The following BICC1 variants were observed in gnomAD, a reference collection of about 807,000 sequenced individuals.
BICC1 encodes the protein BicC family RNA binding protein 1, also known as protein bicaudal C homolog 1.
In BICC1, 43 loss-of-function variants were observed where a neutral mutation model predicts 111.0. That is an observed-to-expected ratio of 0.39 (90% CI 0.30 to 0.50). BICC1 has a LOEUF of 0.50. BICC1 is among the 20% of genes least tolerant of loss of function. The pLI is 0.88. For missense variants in BICC1, 1,091 were observed against 1,203.2 expected (o/e 0.91, Z 1.38); for synonymous variants, 467 against 434.4 (o/e 1.07, Z -0.93).
chr10:58,772,676 G>A (rs541294598), intron 3 of BICC1, among the ~76,000 whole-genome samples: 1 of 152,228 alleles, frequency 6.6e-6, no homozygotes, highest in East Asian at 1.9e-4. Context: ...CAATGCACGT[G>A]TACATAGTCT....
chr10:58,706,991 T>G lies in BICC1; in HGVS notation c.307+4848T>G, dbSNP rs191981597. On this transcript the variant is annotated intron_variant, in intron 3 of 20. Coordinates refer to ENST00000373886, the MANE Select transcript of BICC1 (RefSeq NM_001080512.3). ...CAGAGTTAAACCAAGTGATAGGAAC[T>G]AATCCCTGCAAGTGGTCCTTGCATG... Among the ~76,000 whole-genome samples the G allele has an allele frequency of 1.4e-3, 207 of 152,336 alleles. 1 individual carries two copies. Among genetic ancestry groups the G allele is most frequent in the Non-Finnish European group, 2.2e-3 (148 of 68,022 alleles).
At chr10:58,827,127 T>C (rs1844423178) in intron 20 of BICC1, among the ~76,000 whole-genome samples, 1 of 152,194 alleles carries the variant, frequency 6.6e-6, no homozygotes, top group Non-Finnish European at 1.5e-5. Flanking sequence ...TTAACTTGTC[T>C]CCAAACACAA....
rs542315230 is a variant in BICC1, at chr10:58,545,755, C to T, written c.190+32422C>T. ...TGGAAGAGTGGAAGGGTGCAGTATT[C>T]CTTGGGCCCTGTCCCTTTACGTTTC... On this transcript the variant is annotated intron_variant, in intron 1 of 20. Transcript: ENST00000373886. Among the ~76,000 whole-genome samples the T allele has an allele frequency of 2.6e-5, 4 of 152,232 alleles. No individual in the cohort carries two copies. The East Asian group carries it at 7.7e-4, about 29-fold the overall frequency.
intron 8 of BICC1, among the ~76,000 whole-genome samples, chr10:58,791,091 A>G (rs1843161596): frequency 6.6e-6 from 1 of 152,198 alleles, no homozygotes; most frequent in Admixed American, 6.5e-5. Context: ...GGAATCAGTA[A>G]GATTGTAATC....
chr10:58,715,436 C>T, intron 3 of BICC1: 1 of 643,088 alleles, frequency 1.6e-6, no homozygotes, highest in Non-Finnish European at 2.8e-6. Flanking sequence ...GATTTTTCTT[C>T]TTAAAAAATA....
intron 1 of BICC1, among the ~76,000 whole-genome samples, chr10:58,527,788 A>G (rs1842583598): frequency 6.6e-6 from 1 of 151,942 alleles, no homozygotes; most frequent in Non-Finnish European, 1.5e-5. Flanking sequence ...ACACATCTAC[A>G]TTGCTTCTTG....
intron 20 of BICC1, among the ~76,000 whole-genome samples, chr10:58,828,505 CAGG>C (rs796081231): frequency 3.3e-5 from 5 of 152,302 alleles, no homozygotes; most frequent in African/African-American, 1.2e-4. Flanking sequence ...TGTTTGCTGT[CAGG>C]AGTTTATGAG....
chr10:58,732,211 G>T (rs1314111576), intron 3 of BICC1, among the ~76,000 whole-genome samples: 6 of 149,892 alleles, frequency 4.0e-5, no homozygotes, highest in Non-Finnish European at 8.9e-5. Context: ...CCTAATTTTA[G>T]TATTGTTCTT....
intron 15 of BICC1, among the ~76,000 whole-genome samples, chr10:58,803,611 A>G (rs72804428): frequency 0.044 from 6,656 of 152,220 alleles, 373 homozygotes; most frequent in African/African-American, 0.14. Context: ...ACTATTTTCT[A>G]TGTAATGAAG....
chr10:58,645,524 A>G (rs557604139), intron 2 of BICC1, among the ~76,000 whole-genome samples: 2 of 152,074 alleles, frequency 1.3e-5, no homozygotes, highest in East Asian at 1.9e-4. Flanking sequence ...AATTGCCAGT[A>G]GTTGCTAGGC....
intron 1 of BICC1, among the ~76,000 whole-genome samples, chr10:58,610,471 C>T (rs1176127911): frequency 6.6e-6 from 1 of 152,170 alleles, no homozygotes; most frequent in Non-Finnish European, 1.5e-5. Context: ...CCCTAACCTC[C>T]ATCATAATCT....
intron 2 of BICC1, among the ~76,000 whole-genome samples, chr10:58,687,613 C>T (rs978521741): frequency 6.6e-6 from 1 of 152,216 alleles, no homozygotes; most frequent in Non-Finnish European, 1.5e-5. Flanking sequence ...GCAGTTCGAG[C>T]TCAGACTGCT....
chr10:58,766,634 G>C (rs1459976407), intron 3 of BICC1, among the ~76,000 whole-genome samples: 1 of 152,110 alleles, frequency 6.6e-6, no homozygotes, highest in Admixed American at 6.5e-5. Context: ...GAGTACCTTT[G>C]TGGGAGTCTG....
At chr10:58,611,097 A>G (rs1010196508) in intron 1 of BICC1, among the ~76,000 whole-genome samples, 20 of 152,204 alleles carry the variant, frequency 1.3e-4, no homozygotes, top group Admixed American at 2.0e-4. Context: ...ACTTTTGCCA[A>G]TGATTGCCTT....
At chr10:58,747,142 A>T (rs1049788841) in intron 3 of BICC1, among the ~76,000 whole-genome samples, 1 of 152,190 alleles carries the variant, frequency 6.6e-6, no homozygotes, top group African/African-American at 2.4e-5. Context: ...AAAGAGAAAT[A>T]TAAAGTGATA....
At chr10:58,680,432 A>G (rs1387416208) in intron 2 of BICC1, among the ~76,000 whole-genome samples, 1 of 152,192 alleles carries the variant, frequency 6.6e-6, no homozygotes, top group African/African-American at 2.4e-5. Context: ...CAGTTGCTAC[A>G]AAAAGAATAA....
chr10:58,809,531 C>T (rs1023638069), intron 17 of BICC1, among the ~76,000 whole-genome samples: 3 of 152,078 alleles, frequency 2.0e-5, no homozygotes, highest in African/African-American at 4.8e-5. Flanking sequence ...TGAGCTACCA[C>T]GCCTGGCCAG....
Position 58,829,806 on chromosome 10 carries a change from C to T in BICC1, c.*915C>T, listed in dbSNP as rs1397707914. On this transcript the variant is annotated 3_prime_UTR_variant, in exon 21 of 21. Transcript: ENST00000373886. ...GCCACTAAAGGACATTTATTTATAT[C>T]AAACTTTTATTTTTAGATATTATAA... The T allele has an allele frequency of 6.6e-6, 1 of 151,768 alleles. No individual in the cohort carries two copies. The highest frequency in any genetic ancestry group is 1.5e-5 in the Non-Finnish European group (1 of 68,004). The allele number at this position is 151,768 out of a possible 1,614,324, so 9.4% of individuals were successfully genotyped here.
intron 3 of BICC1, among the ~76,000 whole-genome samples, chr10:58,779,230 C>G (rs952009034): frequency 3.9e-5 from 6 of 152,150 alleles, no homozygotes; most frequent in African/African-American, 1.4e-4. Context: ...TAATAGTCAT[C>G]AAAATAGAAG....
Sources: gnomAD v4.1 joint callset for allele counts (sites outside exome capture counted in the v4.1 genomes callset) on GRCh38, gnomAD v4.1.1 for gene constraint, MANE v1.5 for transcripts, NCBI Gene and HGNC (gene_info 2026-07-23, HGNC 2026-07-21) for gene names.